Variants in PWWP3B observed in about 807,000 individuals in gnomAD.
The protein encoded by PWWP3B is PWWP domain-containing DNA repair factor 3B.
PWWP3B carries 5 observed loss-of-function variants against 15.7 expected under a neutral mutation model. The ratio of observed to expected loss-of-function variants is 0.32; its 90% CI spans 0.17 to 0.67. The LOEUF (loss-of-function observed/expected upper bound fraction) is 0.67, where lower values mean the gene tolerates loss of function less well. PWWP3B is among the 30% of genes least tolerant of loss of function. PWWP3B has a pLI of 0.74. For synonymous variants in PWWP3B, 203 were observed against 179.8 expected (o/e 1.13, Z -1.03); for missense variants, 519 against 493.1 (o/e 1.05, Z -0.50).
At chrX:106,186,002 A>G (rs1349787724) in intron 2 of PWWP3B, among the ~76,000 whole-genome samples, 1 of 111,722 alleles carries the variant, frequency 9.0e-6, no homozygotes, top group Non-Finnish European at 1.9e-5. Context: ...AAAGAAGGGA[A>G]CAGAGTCCTG....
intron 2 of PWWP3B, among the ~76,000 whole-genome samples, chrX:106,177,702 CA>C (rs1395309798): frequency 9.0e-6 from 1 of 111,581 alleles, no homozygotes; most frequent in African/African-American, 3.3e-5. Context: ...TTATTCTACA[CA>C]AAAAATGATA....
rs1299192898 is a variant in PWWP3B, at chrX:106,206,948, A to C, written c.1516A>C (p.Lys506Gln). Reference protein sequence around the residue: ...DISYPVRKETKQDTFRNKFPK... With the variant: ...DISYPVRKETQQDTFRNKFPK... ...TAGTTACCCAGTTAGGAAAGAAACA[A>C]AACAGGATACTTTCAGGAACAAATT... Residue 506 changes from lysine (K) to glutamine (Q), a missense_variant, in exon 4 of 4, where the codon AAA becomes CAA. Coordinates refer to ENST00000357175, the MANE Select transcript of PWWP3B (RefSeq NM_001171020.2). 1 of 1,209,806 alleles carries C rather than the reference A, an allele frequency of 8.3e-7. No individual in the cohort carries two copies. The highest frequency in any genetic ancestry group is 2.2e-5 in the Admixed American group (1 of 45,684).
At chrX:106,179,135 T>G (rs1000919374) in intron 2 of PWWP3B, among the ~76,000 whole-genome samples, 8 of 112,066 alleles carry the variant, frequency 7.1e-5, no homozygotes, top group Non-Finnish European at 1.5e-4. Context: ...GAAATGTATT[T>G]TATTATCAGA....
intron 2 of PWWP3B, among the ~76,000 whole-genome samples, chrX:106,196,916 AT>A (rs1923413275): frequency 9.0e-6 from 1 of 111,107 alleles, no homozygotes; most frequent in South Asian, 3.8e-4. Context: ...TTTTTCAACG[AT>A]TTTCCACTCT....
intron 2 of PWWP3B, among the ~76,000 whole-genome samples, chrX:106,196,529 T>C (rs1203864067): frequency 8.9e-6 from 1 of 112,152 alleles, no homozygotes; most frequent in Non-Finnish European, 1.9e-5. Flanking sequence ...TAATGCTTTT[T>C]CTGTAAAAAT....
In PWWP3B at chrX:106,205,345, T is replaced by C; in HGVS notation, c.-88T>C. 2 of 866,245 alleles carry C rather than the reference T, an allele frequency of 2.3e-6. No individual in the cohort carries two copies. The highest frequency in any genetic ancestry group is 1.6e-6 in the Non-Finnish European group (1 of 634,855). 71.4% of individuals were successfully genotyped at this position (866,245 alleles called of 1,213,427 possible). A position where few individuals can be genotyped will look rare whatever the true frequency, so the allele number is the denominator to read the frequency against. On this transcript the variant is annotated 5_prime_UTR_variant, in exon 4 of 4. Transcript: ENST00000357175. ...GACGAAAGAGGATTTGTTAAGAGTA[T>C]TGTTTTGGGTAGAACTTGCATTAGC...
chrX:106,168,605 G>A (rs1191084275), intron 1 of PWWP3B, among the ~76,000 whole-genome samples, 180 bp downstream of exon 1: 3 of 112,383 alleles, frequency 2.7e-5, no homozygotes, highest in South Asian at 7.3e-4. Context: ...TCTTAAAGAG[G>A]TAGCAAAAGC....
Position 106,205,854 on chromosome X carries a change from T to C in PWWP3B, c.422T>C (p.Leu141Ser). ...HKKYRKDEGD[L>S]PGCLEERENS... is the part of the protein sequence containing the mutation. ...AAATACCGGAAGGATGAAGGTGACT[T>C]ACCAGGGTGTCTTGAGGAAAGGGAA... Residue 141 changes from leucine to serine, a missense_variant, in exon 4 of 4, where the codon TTA becomes TCA. Physicochemically the swap from Leu to Ser is moderately radical, Grantham distance 145 (BLOSUM62 -2). Coordinates refer to ENST00000357175, the MANE Select transcript of PWWP3B (RefSeq NM_001171020.2). 8.3e-7 allele frequency: 1 copy of C among 1,211,559 alleles called. No homozygotes were observed. The highest frequency in any genetic ancestry group is 1.1e-6 in the Non-Finnish European group (1 of 895,424).
intron 2 of PWWP3B, among the ~76,000 whole-genome samples, chrX:106,192,427 T>C (rs1366582708): frequency 9.0e-6 from 1 of 111,719 alleles, no homozygotes; most frequent in Non-Finnish European, 1.9e-5. Flanking sequence ...TTGATTCTTC[T>C]CTCTTTTCTT....
At chrX:106,176,066 A>G (rs1356572980) in intron 2 of PWWP3B, among the ~76,000 whole-genome samples, 3 of 110,885 alleles carry the variant, frequency 2.7e-5, no homozygotes, top group Non-Finnish European at 5.7e-5. Flanking sequence ...TTATTGTGAG[A>G]ATCAAATGGG....
intron 2 of PWWP3B, among the ~76,000 whole-genome samples, chrX:106,183,022 G>C (rs902010940): frequency 9.0e-6 from 1 of 110,754 alleles, no homozygotes; most frequent in African/African-American, 3.3e-5. Context: ...CTGAGCTGAC[G>C]GTCCTGCAGG....
intron 2 of PWWP3B, among the ~76,000 whole-genome samples, chrX:106,178,292 G>A (rs1455316034): frequency 2.7e-5 from 3 of 112,218 alleles, no homozygotes; most frequent in Admixed American, 1.9e-4. Context: ...AGTTTTAAAC[G>A]TATTATGTAC....
intron 2 of PWWP3B, among the ~76,000 whole-genome samples, chrX:106,190,406 G>C (rs1487462955): frequency 9.0e-6 from 1 of 111,403 alleles, no homozygotes; most frequent in Non-Finnish European, 1.9e-5. Flanking sequence ...TTTTTTTCTT[G>C]TAAATTTGTT....
chrX:106,205,080 A>C (rs764315681), intron 3 of PWWP3B, 139 bp from the exon 4 acceptor site: 2 of 140,271 alleles, frequency 1.4e-5, no homozygotes, highest in Non-Finnish European at 2.7e-5. Context: ...GCAATCTTAT[A>C]TTATGCTGCC....
intron 2 of PWWP3B, among the ~76,000 whole-genome samples, chrX:106,184,569 T>C (rs1922393124): frequency 8.9e-6 from 1 of 111,841 alleles, no homozygotes; most frequent in South Asian, 3.8e-4. Context: ...CAGCTGTCAT[T>C]CTATCATTTA....
chrX:106,193,805 G>C (rs748806934), intron 2 of PWWP3B, among the ~76,000 whole-genome samples: 10 of 111,761 alleles, frequency 8.9e-5, no homozygotes, highest in South Asian at 7.5e-4. Flanking sequence ...GTGAAGCTTA[G>C]TTTGGCTGGA....
At chrX:106,180,809 C>T (rs961709797) in intron 2 of PWWP3B, among the ~76,000 whole-genome samples, 3 of 111,894 alleles carry the variant, frequency 2.7e-5, no homozygotes, top group African/African-American at 9.8e-5. Flanking sequence ...ATGTCTATAT[C>T]GACCTCTTGC....
At chrX:106,184,535 C>A (rs1450210567) in intron 2 of PWWP3B, among the ~76,000 whole-genome samples, 1 of 111,505 alleles carries the variant, frequency 9.0e-6, no homozygotes, top group African/African-American at 3.3e-5. Flanking sequence ...GCTTGCTGAC[C>A]AGTAGGGAAT....
At chrX:106,172,957 AT>A (rs1315741528) in intron 2 of PWWP3B, among the ~76,000 whole-genome samples, 2 of 112,214 alleles carry the variant, frequency 1.8e-5, no homozygotes, top group African/African-American at 6.5e-5. Context: ...CAGCTTTATT[AT>A]AATCTTACAG....
Sources: allele counts gnomAD v4.1 joint callset (sites outside exome capture counted in the v4.1 genomes callset), GRCh38; gene constraint gnomAD v4.1.1; transcripts MANE v1.5; gene names NCBI Gene and HGNC (gene_info 2026-07-23, HGNC 2026-07-21).